The following ZNF578 variants were observed in gnomAD, a reference collection of about 807,000 sequenced individuals.
ZNF578 encodes zinc finger protein 578, also known as Putative chemokine-related protein B42.
A neutral mutation model predicts 8.3 loss-of-function variants in ZNF578; 8 were observed. The ratio of observed to expected loss-of-function variants is 0.96; its 90% confidence interval spans 0.56 to 1.74. ZNF578 has a LOEUF of 1.74. Among genes scored for constraint, ZNF578 ranks in the 40% most tolerant of loss-of-function variants. ZNF578 has a pLI of 0.00. For missense variants in ZNF578, 726 were observed against 707.5 expected, an observed-to-expected ratio of 1.03 and a Z score of -0.30; for synonymous variants, 206 against 232.2, an observed-to-expected ratio of 0.89 and a Z score of 1.03.
At chr19:52,455,748 T>C (rs950546377) in intron 1 of ZNF578, 1 of 152,236 alleles carries the variant, frequency 6.6e-6, no homozygotes, top group Non-Finnish European at 1.5e-5. Context: ...TAGGTGAACA[T>C]ATTGGCATAT....
chr19:52,494,832 T>A (rs2059380063), intron 3 of ZNF578, among the ~76,000 whole-genome samples: 1 of 152,070 alleles, frequency 6.6e-6, no homozygotes, highest in African/African-American at 2.4e-5. Flanking sequence ...ATACTTTTAA[T>A]TAATTAATTA....
intron 4 of ZNF578, 101 bp downstream of exon 4, chr19:52,502,009 T>C: frequency 6.6e-7 from 1 of 1,506,472 alleles, no homozygotes; most frequent in South Asian, 1.3e-5. Flanking sequence ...GCCAGTCTTT[T>C]CTGAGTCTGA....
chr19:52,474,899 C>T, intron 2 of ZNF578: 1 of 209,634 alleles, frequency 4.8e-6, no homozygotes, highest in South Asian at 7.8e-5. Flanking sequence ...TGTAAGGTTT[C>T]TGTCCTGTAT....
rs766579851 is a variant in ZNF578, at chr19:52,513,764, G to T, written c.*1610G>T. On this transcript the variant is annotated 3_prime_UTR_variant, in exon 6 of 6. Coordinates refer to ENST00000421239, the MANE Select transcript of ZNF578 (RefSeq NM_001099694.2). ...AAAAAAAAGATATCAAACCCGGGGTGTCTCATCCCACAGCACTTTGGAAGA... is the reference window on the plus strand; with the variant it reads ...AAAAAAAAGATATCAAACCCGGGGTTTCTCATCCCACAGCACTTTGGAAGA... Among the ~76,000 whole-genome samples, 14 of 151,544 alleles carry T rather than the reference G, an allele frequency of 9.2e-5. No individual in the cohort carries two copies. The highest frequency in any genetic ancestry group is 1.6e-4 in the Non-Finnish European group (11 of 67,870).
chr19:52,482,314 G>A (rs111297406), intron 2 of ZNF578, among the ~76,000 whole-genome samples: 618 of 151,976 alleles, frequency 4.1e-3, no homozygotes, highest in Non-Finnish European at 7.5e-3. Context: ...GATTACAGGC[G>A]TAAGCCACCA....
intron 2 of ZNF578, among the ~76,000 whole-genome samples, chr19:52,485,373 T>A (rs1241677329): frequency 6.6e-6 from 1 of 152,158 alleles, no homozygotes; most frequent in Non-Finnish European, 1.5e-5. Context: ...TTGTGCCGCT[T>A]TAGCAGGGAT....
At position 52,513,337 on chromosome 19, in the gene ZNF578, C is replaced by CTTTTTTTTTTTTTTTTTTT. The variant is rs11318311; in HGVS notation, c.*1189_*1207dup. ...GCGCCTGGCATTGTTTCTTCTTTTC[C>CTTTTTTTTTTTTTTTTTTT]TTTTTTTTTTTTTTTTTTTTTTTTG... On this transcript the variant is annotated 3_prime_UTR_variant, in exon 6 of 6. Coordinates refer to ENST00000421239, the MANE Select transcript of ZNF578 (RefSeq NM_001099694.2). Among the ~76,000 whole-genome samples, 1 of 101,340 alleles carries CTTTTTTTTTTTTTTTTTTT rather than the reference C, an allele frequency of 9.9e-6. No individual in the cohort carries two copies. The highest frequency in any genetic ancestry group is 3.4e-5 in the African/African-American group (1 of 29,702). 66.5% of individuals were successfully genotyped at this position (101,340 alleles called of 152,430 possible).
chr19:52,491,323 G>T lies in ZNF578; in HGVS notation c.-121-1G>T. ...AACGTATTGGTGTTTATATTTTGTA[G>T]ATATCTCTTCCAAATGCATGATGAA... is the stretch of plus-strand genomic sequence containing the variant. On this transcript the variant is annotated splice_acceptor_variant, in intron 2 of 5. Coordinates refer to ENST00000421239, the MANE Select transcript of ZNF578 (RefSeq NM_001099694.2). LOFTEE classifies it low-confidence loss of function (5UTR_SPLICE). The T allele has an allele frequency of 3.8e-6, 1 of 264,210 alleles. No individual in the cohort carries two copies. Among genetic ancestry groups the T allele is most frequent in the Non-Finnish European group, 7.8e-6 (1 of 128,260 alleles). 16.4% of individuals were successfully genotyped at this position (264,210 alleles called of 1,614,324 possible).
chr19:52,511,816 G>T lies in ZNF578; in HGVS notation c.1435G>T (p.Gly479Ter), dbSNP rs758926937. 16 of 1,613,770 alleles carry T rather than the reference G, an allele frequency of 9.9e-6. No homozygotes were observed. The highest frequency in any genetic ancestry group is 1.3e-5 in the Non-Finnish European group (15 of 1,179,878). ...TGAGAGACACAAGATAATTCATACT[G>T]GAGAGAAACCTTACAAGTGTAATGA... is the stretch of plus-strand genomic sequence containing the variant. ...NLERHKIIHT[G>*]EKPYKCNECH... Residue 479 changes from glycine (G) to a stop codon, truncating the protein, a stop_gained, in exon 6 of 6, where the codon GGA becomes TGA. Coordinates refer to ENST00000421239, the MANE Select transcript of ZNF578 (RefSeq NM_001099694.2). LOFTEE classifies it low-confidence loss of function (END_TRUNC).
rs1447556459 is a variant in ZNF578 at position 52,500,491 on chromosome 19, C to G, written c.-19-1336C>G. ...GCACGATCTTGGCTCACTGCAACCT[C>G]TCCCTCCTGGGTTCAAGTGATTCTC... On this transcript the variant is annotated intron_variant, in intron 3 of 5. Coordinates refer to ENST00000421239, the MANE Select transcript of ZNF578 (RefSeq NM_001099694.2). Among the ~76,000 whole-genome samples the G allele has an allele frequency of 2.6e-5, 4 of 151,110 alleles. No homozygotes were observed. The East Asian group carries it at 7.8e-4, about 30-fold the overall frequency.
chr19:52,507,257 A>G (rs1022491899), intron 5 of ZNF578, among the ~76,000 whole-genome samples: 2 of 152,134 alleles, frequency 1.3e-5, no homozygotes, highest in Non-Finnish European at 2.9e-5. Flanking sequence ...GCATGTTGGT[A>G]TGCACCTGTA....
intron 2 of ZNF578, among the ~76,000 whole-genome samples, chr19:52,489,261 G>A (rs60115889): frequency 0.39 from 59,466 of 151,438 alleles, 12,150 homozygotes; most frequent in Admixed American, 0.49. Flanking sequence ...AACAAAAAAA[G>A]AAATAGCAAT....
intron 2 of ZNF578, among the ~76,000 whole-genome samples, chr19:52,489,824 T>A (rs1599900407): frequency 6.6e-6 from 1 of 151,946 alleles, no homozygotes; most frequent in East Asian, 2.0e-4. Flanking sequence ...CCCGGCTAAT[T>A]TTTTTGTACT....
intron 2 of ZNF578, among the ~76,000 whole-genome samples, chr19:52,478,547 G>T (rs1599891294): frequency 2.0e-5 from 3 of 152,138 alleles, no homozygotes; most frequent in Admixed American, 2.0e-4. Flanking sequence ...GGTGCTGTGG[G>T]TGGGACAACA....
At chr19:52,489,118 AAGT>A (rs936893063) in intron 2 of ZNF578, among the ~76,000 whole-genome samples, 6 of 151,806 alleles carry the variant, frequency 4.0e-5, no homozygotes, top group Admixed American at 6.6e-5. Context: ...AAAAAAGAAA[AAGT>A]AGCCGAGGGT....
intron 2 of ZNF578, among the ~76,000 whole-genome samples, chr19:52,488,242 T>C (rs2562022): frequency 0.3 from 45,130 of 150,720 alleles, 7,009 homozygotes; most frequent in East Asian, 0.51. Context: ...TGAGCCACCA[T>C]GCCCAGCCCA....
chr19:52,508,564 G>A (rs1290614704), intron 5 of ZNF578, among the ~76,000 whole-genome samples: 3 of 151,876 alleles, frequency 2.0e-5, no homozygotes, highest in South Asian at 2.1e-4. Context: ...TTGGGAGGCC[G>A]AGGTGGGTGG....
intron 5 of ZNF578, among the ~76,000 whole-genome samples, chr19:52,510,069 C>A (rs2059439139): frequency 1.3e-5 from 2 of 151,862 alleles, no homozygotes; most frequent in Non-Finnish European, 2.9e-5. Context: ...CTTTTCTTAT[C>A]TTCTCAGTGC....
chr19:52,488,617 C>G (rs2059354203), intron 2 of ZNF578, among the ~76,000 whole-genome samples: 1 of 147,480 alleles, frequency 6.8e-6, no homozygotes, highest in Non-Finnish European at 1.5e-5. Flanking sequence ...TCAAAACAAA[C>G]AAACAAAAAT....
Sources: gnomAD v4.1 joint callset for allele counts (sites outside exome capture counted in the v4.1 genomes callset) on GRCh38, gnomAD v4.1.1 for gene constraint, MANE v1.5 for transcripts, NCBI Gene and HGNC (gene_info 2026-07-23, HGNC 2026-07-21) for gene names.